Variants in NRP1 observed in about 807,000 individuals in gnomAD.
NRP1 encodes the protein neuropilin-1.
In NRP1, 35 loss-of-function variants were observed where a neutral mutation model predicts 106.7. The ratio of observed to expected loss-of-function variants is 0.33; its 90% CI spans 0.25 to 0.43. NRP1 has a LOEUF of 0.43. Among genes scored for constraint, NRP1 ranks in the 20% least tolerant of loss-of-function variants. The probability of loss-of-function intolerance (pLI) is 1.00; values close to 1 mark genes in which losing one functional copy is unlikely to be tolerated. For synonymous variants in NRP1, 437 were observed against 417.9 expected (o/e 1.05, Z -0.56); for missense variants, 1,024 against 1,170.4 (o/e 0.87, Z 1.83).
rs577078469 is a variant in NRP1, at chr10:33,253,736, G to T, written c.981+292C>A. Among the ~76,000 whole-genome samples, 20 of 152,322 alleles carry T rather than the reference G, an allele frequency of 1.3e-4. No individual in the cohort carries two copies. In the South Asian group the frequency reaches 3.1e-3, roughly 24 times the overall value. On this transcript the variant is annotated intron_variant, in intron 6 of 16. Transcript: ENST00000374867. ...GAGCTGTTATCAAAGTGAGACACTT[G>T]TAGTCACATTCTCGGAAGAGTAGTA...
chr10:33,228,151 T>C (rs954167137), intron 6 of NRP1, among the ~76,000 whole-genome samples: 1 of 150,934 alleles, frequency 6.6e-6, no homozygotes, highest in Non-Finnish European at 1.5e-5. Context: ...TAAAAAAAAG[T>C]CCACAAATAT....
Position 33,288,368 on chromosome 10 carries a change from C to G in NRP1, c.249-17512G>C, listed in dbSNP as rs1844738144. On this transcript the variant is annotated intron_variant, in intron 2 of 16. Coordinates refer to ENST00000374867, the MANE Select transcript of NRP1 (RefSeq NM_003873.7). The stretch of plus-strand genomic sequence containing the variant: ...GTGGCTATTCATAGGCACAATCCCA[C>G]TACTGATCACCATGGGAGTTTTGAG... 3 of 152,346 alleles carry G rather than the reference C, an allele frequency of 2.0e-5. No homozygotes were observed. In the South Asian group the frequency reaches 6.2e-4, roughly 32 times the overall value. 9.4% of individuals were successfully genotyped at this position (152,346 alleles called of 1,614,324 possible). A position where few individuals can be genotyped will look rare whatever the true frequency, so the allele number is the denominator to read the frequency against.
intron 2 of NRP1, among the ~76,000 whole-genome samples, chr10:33,290,406 C>T (rs907180339): frequency 1.3e-5 from 2 of 150,772 alleles, no homozygotes; most frequent in African/African-American, 2.4e-5. Context: ...GGATGACCGA[C>T]CCTGGTTAAT....
At chr10:33,227,699 G>C (rs1839782320) in intron 6 of NRP1, among the ~76,000 whole-genome samples, 2 of 152,100 alleles carry the variant, frequency 1.3e-5, no homozygotes, top group South Asian at 2.1e-4. Context: ...CTCTTGGAAG[G>C]CATCAGAGTA....
At chr10:33,192,846 G>A (rs934123209) in intron 12 of NRP1, among the ~76,000 whole-genome samples, 2 of 152,148 alleles carry the variant, frequency 1.3e-5, no homozygotes, top group Admixed American at 6.5e-5. Context: ...GACCCATGAA[G>A]CCTCAAAAGT....
At chr10:33,252,638 A>T (rs1841947696) in intron 6 of NRP1, among the ~76,000 whole-genome samples, 1 of 151,774 alleles carries the variant, frequency 6.6e-6, no homozygotes, top group South Asian at 2.1e-4. Context: ...AGTGCTGCAA[A>T]ATGTAAGCTT....
At chr10:33,206,861 TC>T (rs1338974316) in intron 10 of NRP1, among the ~76,000 whole-genome samples, 1 of 152,038 alleles carries the variant, frequency 6.6e-6, no homozygotes, top group African/African-American at 2.4e-5. Context: ...AGCCATGGGG[TC>T]AGTGCGTGGA....
intron 2 of NRP1, among the ~76,000 whole-genome samples, chr10:33,304,432 C>T (rs1186319588): frequency 6.6e-6 from 1 of 152,130 alleles, no homozygotes; most frequent in Non-Finnish European, 1.5e-5. Flanking sequence ...TTCTATAAGA[C>T]CCTTCTCATA....
At chr10:33,269,615 T>C (rs1588887277) in intron 3 of NRP1, among the ~76,000 whole-genome samples, 1 of 152,334 alleles carries the variant, frequency 6.6e-6, no homozygotes, top group East Asian at 1.9e-4. Context: ...TGGTACCAGT[T>C]TGTGGTCTGT....
intron 2 of NRP1, among the ~76,000 whole-genome samples, chr10:33,326,561 C>A (rs183057643): frequency 6.6e-6 from 1 of 152,228 alleles, no homozygotes; most frequent in East Asian, 1.9e-4. Context: ...GGAAAAAATC[C>A]TAGTTCTGTG....
At chr10:33,199,674 T>C (rs1388173893) in intron 11 of NRP1, among the ~76,000 whole-genome samples, 1 of 152,038 alleles carries the variant, frequency 6.6e-6, no homozygotes, top group East Asian at 1.9e-4. Context: ...ATGCAGATTA[T>C]GGTTGGAAGT....
At chr10:33,316,557 G>T (rs1301427668) in intron 2 of NRP1, among the ~76,000 whole-genome samples, 1 of 152,176 alleles carries the variant, frequency 6.6e-6, no homozygotes. Flanking sequence ...AGATCAAAAA[G>T]CTTATTCAGA....
intron 8 of NRP1, among the ~76,000 whole-genome samples, chr10:33,217,325 C>T (rs958110411): frequency 6.6e-6 from 1 of 151,646 alleles, no homozygotes; most frequent in Non-Finnish European, 1.5e-5. Context: ...ATTTAGCCAA[C>T]ATATCCATGG....
At chr10:33,306,129 T>C (rs2132739151) in intron 2 of NRP1, among the ~76,000 whole-genome samples, 1 of 152,326 alleles carries the variant, frequency 6.6e-6, no homozygotes, top group East Asian at 1.9e-4. Context: ...AGTGATTGTT[T>C]ATATTAATTT....
At chr10:33,276,253 C>T (rs908067448) in intron 2 of NRP1, among the ~76,000 whole-genome samples, 1 of 152,106 alleles carries the variant, frequency 6.6e-6, no homozygotes, top group African/African-American at 2.4e-5. Context: ...CCTTATTTTC[C>T]ATTTGTTGAT....
At chr10:33,186,047 G>T (rs140589026) in intron 14 of NRP1, among the ~76,000 whole-genome samples, 170 bp downstream of exon 14, 1 of 152,194 alleles carries the variant, frequency 6.6e-6, no homozygotes, top group Admixed American at 6.5e-5. Flanking sequence ...CAATCTAGGA[G>T]ACTGTGAAAT....
chr10:33,294,163 G>A (rs1201114915), intron 2 of NRP1, among the ~76,000 whole-genome samples: 6 of 152,148 alleles, frequency 3.9e-5, no homozygotes, highest in Admixed American at 2.0e-4. Context: ...GTCATGGTGG[G>A]GGTCCTACAT....
At chr10:33,182,670 TA>T in intron 16 of NRP1, 27 bp downstream of exon 16, 4 of 1,562,998 alleles carry the variant, frequency 2.6e-6, no homozygotes, top group Non-Finnish European at 1.8e-6. Flanking sequence ...TAAAATTTTT[TA>T]AAAATTGGTC....
At chr10:33,318,923 G>C (rs1356900665) in intron 2 of NRP1, among the ~76,000 whole-genome samples, 1 of 151,466 alleles carries the variant, frequency 6.6e-6, no homozygotes, top group Non-Finnish European at 1.5e-5. Flanking sequence ...CAGTGTAACT[G>C]ATCATGGAAG....
Sources: allele counts gnomAD v4.1 joint callset (sites outside exome capture counted in the v4.1 genomes callset), GRCh38; gene constraint gnomAD v4.1.1; transcripts MANE v1.5; gene names NCBI Gene and HGNC (gene_info 2026-07-23, HGNC 2026-07-21).